MAGI2: variants seen among roughly 807,000 people sequenced by gnomAD.
The protein encoded by MAGI2 is membrane-associated guanylate kinase, WW and PDZ domain-containing protein 2.
A neutral mutation model predicts 133.3 loss-of-function variants in MAGI2; 35 were observed. The ratio of observed to expected loss-of-function variants is 0.26; its 90% CI spans 0.20 to 0.35. MAGI2 has a LOEUF of 0.35. Among genes scored for constraint, MAGI2 ranks in the 10% least tolerant of loss-of-function variants. The pLI is 1.00. For missense variants in MAGI2, 1,636 were observed against 1,863.4 expected, an observed-to-expected ratio of 0.88 and a Z score of 2.25; for synonymous variants, 729 against 710.6, an observed-to-expected ratio of 1.03 and a Z score of -0.41.
chr7:78,444,267 C>T (rs1422999687), intron 6 of MAGI2, among the ~76,000 whole-genome samples: 1 of 152,016 alleles, frequency 6.6e-6, no homozygotes, highest in Admixed American at 6.6e-5. Context: ...TCAGTATTAA[C>T]CATCACAAAT....
intron 6 of MAGI2, among the ~76,000 whole-genome samples, chr7:78,474,824 A>G (rs1247823005): frequency 6.6e-6 from 1 of 151,624 alleles, no homozygotes; most frequent in Admixed American, 6.6e-5. Flanking sequence ...AATAATATTT[A>G]ATTTTAAATA....
chr7:78,625,258 A>G (rs1169157247), intron 3 of MAGI2, among the ~76,000 whole-genome samples: 1 of 152,172 alleles, frequency 6.6e-6, no homozygotes, highest in South Asian at 2.1e-4. Context: ...ACTGACAAAT[A>G]TAAAAATGAT....
chr7:79,306,556 G>A (rs1837832555), intron 1 of MAGI2, among the ~76,000 whole-genome samples: 1 of 151,906 alleles, frequency 6.6e-6, no homozygotes, highest in Admixed American at 6.6e-5. Context: ...CCTTCAATAT[G>A]TCAACTTGAA....
intron 2 of MAGI2, among the ~76,000 whole-genome samples, chr7:78,637,721 A>G (rs1430691433): frequency 6.6e-6 from 1 of 152,236 alleles, no homozygotes; most frequent in Non-Finnish European, 1.5e-5. Flanking sequence ...ATATTGTTTT[A>G]TTAATTCCAT....
intron 21 of MAGI2, among the ~76,000 whole-genome samples, chr7:78,057,853 TA>T (rs1417238008): frequency 3.3e-5 from 5 of 151,576 alleles, no homozygotes; most frequent in Non-Finnish European, 5.9e-5. Flanking sequence ...AAGCTAAAGA[TA>T]TTGACTGCTG....
At position 78,135,091 on chromosome 7, in the gene MAGI2, A is replaced by C. The variant is rs1431164063; in HGVS notation, c.2961T>G (p.Pro987=). 1.2e-6 allele frequency: 2 copies of C among 1,613,998 alleles called. No homozygotes were observed. The highest frequency in any genetic ancestry group is 1.7e-6 in the Non-Finnish European group (2 of 1,180,012). ...AVNGQSIINM[P]HADIVKLIKD... is the part of the protein sequence containing the mutation. ...TGATGAGCTTCACGATGTCAGCGTG[A>C]GGCATGTTGATGATAGACTGGCCAT... The change falls in exon 17 of 22, where the codon CCT becomes CCG. Residue 987 remains proline, a synonymous_variant. Transcript: ENST00000354212.
intron 6 of MAGI2, among the ~76,000 whole-genome samples, chr7:78,474,860 C>T (rs1202244348): frequency 6.6e-6 from 1 of 151,462 alleles, no homozygotes; most frequent in African/African-American, 2.4e-5. Flanking sequence ...CTCTCACAAA[C>T]ATAGGGAAGT....
intron 1 of MAGI2, among the ~76,000 whole-genome samples, chr7:79,210,301 T>C (rs1372213857): frequency 6.6e-6 from 1 of 152,088 alleles, no homozygotes; most frequent in Non-Finnish European, 1.5e-5. Flanking sequence ...TATCCATATA[T>C]GATAAAGCTT....
chr7:78,833,568 T>C (rs2151447446), intron 2 of MAGI2, among the ~76,000 whole-genome samples: 1 of 152,296 alleles, frequency 6.6e-6, no homozygotes, highest in Admixed American at 6.5e-5. Context: ...GGGTATTTAG[T>C]CTCCTAGCTC....
At chr7:79,387,493 C>G (rs1180802920) in intron 1 of MAGI2, among the ~76,000 whole-genome samples, 2 of 152,014 alleles carry the variant, frequency 1.3e-5, no homozygotes, top group Admixed American at 6.6e-5. Flanking sequence ...AATGTGCAAA[C>G]TATTGATTTT....
At chr7:79,143,838 C>T (rs1822363923) in intron 1 of MAGI2, among the ~76,000 whole-genome samples, 1 of 151,894 alleles carries the variant, frequency 6.6e-6, no homozygotes, top group South Asian at 2.1e-4. Flanking sequence ...AAGCATATAA[C>T]ATTAAAATGT....
intron 1 of MAGI2, among the ~76,000 whole-genome samples, chr7:79,359,130 TA>T (rs1415603885): frequency 2.0e-5 from 3 of 151,966 alleles, no homozygotes. Flanking sequence ...ATGAAAACAT[TA>T]AAAAATCTCC....
At chr7:78,058,779 T>G (rs1469049217) in intron 21 of MAGI2, among the ~76,000 whole-genome samples, 1 of 152,190 alleles carries the variant, frequency 6.6e-6, no homozygotes, top group Non-Finnish European at 1.5e-5. Context: ...AACTGAACCC[T>G]ATTATTTTAT....
At chr7:79,275,810 C>T (rs933714203) in intron 1 of MAGI2, among the ~76,000 whole-genome samples, 7 of 152,084 alleles carry the variant, frequency 4.6e-5, no homozygotes, top group African/African-American at 1.4e-4. Flanking sequence ...GATGCTAAAT[C>T]GACTCTGCCT....
chr7:78,948,659 C>A (rs1280328266), intron 2 of MAGI2, among the ~76,000 whole-genome samples: 1 of 152,060 alleles, frequency 6.6e-6, no homozygotes, highest in Non-Finnish European at 1.5e-5. Context: ...ATTATTTGTA[C>A]ATTAGAATCA....
chr7:78,891,064 G>A (rs1351062964), intron 2 of MAGI2, among the ~76,000 whole-genome samples: 1 of 152,178 alleles, frequency 6.6e-6, no homozygotes, highest in Non-Finnish European at 1.5e-5. Context: ...CGATCCCACA[G>A]AAATACAAAC....
intron 9 of MAGI2, among the ~76,000 whole-genome samples, chr7:78,330,966 T>G (rs1451685107): frequency 2.0e-5 from 3 of 152,136 alleles, no homozygotes; most frequent in Non-Finnish European, 4.4e-5. Context: ...CGTATACACG[T>G]GCATGTGTGT....
At chr7:79,450,632 C>T (rs1473055927) in intron 1 of MAGI2, among the ~76,000 whole-genome samples, 4 of 152,060 alleles carry the variant, frequency 2.6e-5, no homozygotes, top group Non-Finnish European at 5.9e-5. Flanking sequence ...CAATATATCA[C>T]TTTAGAAGCA....
At chr7:78,222,280 C>T (rs1419198777) in intron 10 of MAGI2, among the ~76,000 whole-genome samples, 1 of 152,150 alleles carries the variant, frequency 6.6e-6, no homozygotes, top group Non-Finnish European at 1.5e-5. Flanking sequence ...GCAGCTGTTT[C>T]AACTCCTGTA....
Sources: gnomAD v4.1 joint callset for allele counts (sites outside exome capture counted in the v4.1 genomes callset) on GRCh38, gnomAD v4.1.1 for gene constraint, MANE v1.5 for transcripts, NCBI Gene and HGNC (gene_info 2026-07-23, HGNC 2026-07-21) for gene names.